The following NAV2 variants were observed in gnomAD, a reference collection of about 807,000 sequenced individuals.
NAV2 encodes the protein neuron navigator 2, also known as helicase, APC down-regulated 1.
In NAV2, 54 loss-of-function variants were observed where a neutral mutation model predicts 223.2. The ratio of observed to expected loss-of-function variants is 0.24; its 90% CI spans 0.19 to 0.30. NAV2 has a LOEUF of 0.30. NAV2 is among the 10% of genes least tolerant of loss of function. The probability of loss-of-function intolerance (pLI) is 1.00; values close to 1 mark genes in which losing one functional copy is unlikely to be tolerated. For synonymous variants in NAV2, 1,279 were observed against 1,239.3 expected (o/e 1.03, Z -0.67); for missense variants, 2,806 against 3,147.5 (o/e 0.89, Z 2.60).
rs1374754002 is a variant in NAV2 at position 20,078,055 on chromosome 11, C to G, written c.5130C>G (p.Ala1710=). The change falls in exon 24 of 38, where the codon GCC becomes GCG. Residue 1710 remains alanine (A), a synonymous_variant. Transcript: ENST00000349880. ...TGCTAAAGAAACAGAACGCAGCTGC[C>G]CAGGCTGCCATTAATGGAGTAATTA... The part of the protein sequence containing the change: ...IELLKKQNAA[A]QAAINGVINT... 51 of 1,613,128 alleles carry G rather than the reference C, an allele frequency of 3.2e-5. No homozygotes were observed. The highest frequency in any genetic ancestry group is 4.2e-5 in the Non-Finnish European group (50 of 1,179,818).
chr11:19,749,456 G>A (rs577989969), intron 1 of NAV2, among the ~76,000 whole-genome samples: 1 of 152,120 alleles, frequency 6.6e-6, no homozygotes, highest in Non-Finnish European at 1.5e-5. Context: ...GGAGCTAGAG[G>A]CAGCCAGTAA....
At chr11:20,035,910 TG>T (rs1303650549) in intron 11 of NAV2, 48 bp from the exon 12 acceptor site, 1 of 1,610,982 alleles carries the variant, frequency 6.2e-7, no homozygotes, top group African/African-American at 1.3e-5. Context: ...CAGCCTGAGC[TG>T]GAACAGCCTG....
chr11:19,930,693 G>C (rs373692329), intron 6 of NAV2, among the ~76,000 whole-genome samples: 2 of 152,144 alleles, frequency 1.3e-5, no homozygotes, highest in South Asian at 2.1e-4. Context: ...AGAATGAATA[G>C]ATACATATGA....
At chr11:20,037,195 T>C (rs1487305058) in intron 12 of NAV2, among the ~76,000 whole-genome samples, 1 of 151,996 alleles carries the variant, frequency 6.6e-6, no homozygotes, top group Non-Finnish European at 1.5e-5. Context: ...TGGAGAAATC[T>C]GTTTGGGACA....
At chr11:19,950,607 T>C (rs1049997876) in intron 10 of NAV2, among the ~76,000 whole-genome samples, 2 of 152,226 alleles carry the variant, frequency 1.3e-5, no homozygotes, top group African/African-American at 4.8e-5. Context: ...GGTGCTTTGG[T>C]TTTCAGCCTG....
chr11:19,477,301 C>T (rs184546202), intron 1 of NAV2, among the ~76,000 whole-genome samples: 1 of 152,212 alleles, frequency 6.6e-6, no homozygotes, highest in Non-Finnish European at 1.5e-5. Context: ...ATTTTTGCCA[C>T]TTACATTACA....
At chr11:19,443,613 T>G (rs1018454846) in intron 1 of NAV2, among the ~76,000 whole-genome samples, 1 of 152,206 alleles carries the variant, frequency 6.6e-6, no homozygotes, top group Non-Finnish European at 1.5e-5. Context: ...TGGGTTTTCT[T>G]CTCTCCTCTT....
intron 3 of NAV2, among the ~76,000 whole-genome samples, chr11:19,853,268 A>G (rs2061242261): frequency 1.3e-5 from 2 of 152,230 alleles, no homozygotes; most frequent in Non-Finnish European, 1.5e-5. Context: ...GAGTTAAGTA[A>G]CAAAGCCTCT....
At chr11:19,748,954 C>G (rs1254957704) in intron 1 of NAV2, among the ~76,000 whole-genome samples, 1 of 152,192 alleles carries the variant, frequency 6.6e-6, no homozygotes, top group Non-Finnish European at 1.5e-5. Flanking sequence ...CTGGCAAAAG[C>G]CAGGGTTAAA....
Position 20,045,174 on chromosome 11 carries a change from A to T in NAV2, c.3406A>T (p.Thr1136Ser). ...TTCCGCCGCCGGCCTGGCCATGATC[A>T]CAGCCAGCGGGGTGACTGTCACCAG... is the stretch of plus-strand genomic sequence containing the variant. ...SGSAAGLAMI[T>S]ASGVTVTSRS... The change falls in exon 14 of 38, where the codon ACA becomes TCA. Residue 1136 changes from threonine (T) to serine (S), a missense_variant. Transcript: ENST00000349880. 6.2e-7 allele frequency: 1 copy of T among 1,614,152 alleles called. No individual in the cohort carries two copies. Among genetic ancestry groups the T allele is most frequent in the African/African-American group, 1.3e-5 (1 of 75,032 alleles).
chr11:19,457,487 G>A (rs1327960011), intron 1 of NAV2, among the ~76,000 whole-genome samples: 1 of 152,182 alleles, frequency 6.6e-6, no homozygotes, highest in Admixed American at 6.5e-5. Context: ...AGGGATGGAG[G>A]AGGGGCAAAG....
At chr11:19,628,579 C>T (rs2047244804) in intron 1 of NAV2, among the ~76,000 whole-genome samples, 1 of 152,220 alleles carries the variant, frequency 6.6e-6, no homozygotes, top group African/African-American at 2.4e-5. Context: ...CATCTACATT[C>T]AGGTGTACAC....
rs1398637929 is a variant in NAV2, at chr11:20,026,933, T to G, written c.2769-9026T>G. Among the ~76,000 whole-genome samples, 8 of 152,106 alleles carry G rather than the reference T, an allele frequency of 5.3e-5. No individual in the cohort carries two copies. The East Asian group carries it at 1.3e-3, about 26-fold the overall frequency. ...TGACACATAGCAAACCATTAATAAG[T>G]GTTGGTGATTATTTTTATCAGAGTT... On this transcript the variant is annotated intron_variant, in intron 11 of 37. Transcript: ENST00000349880.
At chr11:20,107,868 G>A in intron 36 of NAV2, 86 bp downstream of exon 36, 4 of 900,248 alleles carry the variant, frequency 4.4e-6, no homozygotes, top group Non-Finnish European at 7.2e-6. Context: ...CCTCCTCCAG[G>A]AATCTGACTG....
chr11:19,623,828 G>A (rs754335605), intron 1 of NAV2, among the ~76,000 whole-genome samples: 19 of 152,166 alleles, frequency 1.2e-4, no homozygotes, highest in Non-Finnish European at 2.5e-4. Flanking sequence ...TATTCCTTTG[G>A]AGGAGAAGAG....
intron 1 of NAV2, among the ~76,000 whole-genome samples, chr11:19,352,126 G>A (rs1853363099): frequency 6.6e-6 from 1 of 152,138 alleles, no homozygotes; most frequent in Admixed American, 6.5e-5. Flanking sequence ...TGAAACTGCT[G>A]TCGCTATAAT....
chr11:19,784,388 T>TAAAAAAA (rs1162911472), intron 1 of NAV2, among the ~76,000 whole-genome samples: 6 of 50,960 alleles, frequency 1.2e-4, no homozygotes, highest in Admixed American at 6.8e-4. Flanking sequence ...AGCTCCATCT[T>TAAAAAAA]AAAAAAAAAA....
intron 1 of NAV2, among the ~76,000 whole-genome samples, chr11:19,682,234 T>A (rs946787124): frequency 6.6e-6 from 1 of 152,216 alleles, no homozygotes; most frequent in African/African-American, 2.4e-5. Context: ...AAGGGGCTGG[T>A]GATAATACCA....
At chr11:19,549,685 C>T (rs575769358) in intron 1 of NAV2, among the ~76,000 whole-genome samples, 11 of 152,342 alleles carry the variant, frequency 7.2e-5, no homozygotes, top group African/African-American at 1.4e-4. Flanking sequence ...CAGAATTCCA[C>T]GGGAGTGGTG....
Sources: gnomAD v4.1 joint callset for allele counts (sites outside exome capture counted in the v4.1 genomes callset) on GRCh38, gnomAD v4.1.1 for gene constraint, MANE v1.5 for transcripts, NCBI Gene and HGNC (gene_info 2026-07-23, HGNC 2026-07-21) for gene names.